CCDC146: variants seen among roughly 807,000 people sequenced by gnomAD.
CCDC146 encodes the protein coiled-coil domain containing 146.
Under a neutral mutation model 119.3 loss-of-function variants are expected in CCDC146, and 92 were observed. The ratio of observed to expected loss-of-function variants is 0.77; its 90% CI spans 0.65 to 0.92. The LOEUF is 0.92. Ranked by LOEUF, CCDC146 falls within the 40% of genes least tolerant of loss-of-function variation. The pLI, the probability that CCDC146 is intolerant of heterozygous loss-of-function variation, is 0.00. For missense variants in CCDC146, 1,000 were observed against 1,103.0 expected (o/e 0.91, Z 1.32); for synonymous variants, 372 against 371.8 (o/e 1.00, Z -0.01).
At chr7:77,198,775 A>G (rs1242325213) in intron 2 of CCDC146, 3 of 209,266 alleles carry the variant, frequency 1.4e-5, no homozygotes, top group Non-Finnish European at 2.8e-5. Flanking sequence ...GAGAAGCGGC[A>G]GTCAGTCAAT....
intron 2 of CCDC146, among the ~76,000 whole-genome samples, chr7:77,217,824 G>A (rs1792328984): frequency 6.6e-6 from 1 of 152,090 alleles, no homozygotes; most frequent in African/African-American, 2.4e-5. Flanking sequence ...ACAATGGCAA[G>A]TATTTAAGTA....
chr7:77,238,071 A>G (rs1171639670), intron 3 of CCDC146, among the ~76,000 whole-genome samples: 1 of 152,172 alleles, frequency 6.6e-6, no homozygotes, highest in Non-Finnish European at 1.5e-5. Flanking sequence ...AGAGTGAACA[A>G]CTTGGAAAAG....
At chr7:77,174,388 G>T (rs1791471669) in intron 2 of CCDC146, among the ~76,000 whole-genome samples, 1 of 152,224 alleles carries the variant, frequency 6.6e-6, no homozygotes, top group African/African-American at 2.4e-5. Flanking sequence ...AGCAGCAGAG[G>T]TTCTGATCCT....
chr7:77,162,968 G>T (rs1278931911), intron 1 of CCDC146, among the ~76,000 whole-genome samples: 3 of 152,096 alleles, frequency 2.0e-5, no homozygotes, highest in African/African-American at 7.2e-5. Context: ...TACTTTACTT[G>T]CTCTAAAATA....
chr7:77,254,494 T>C lies in CCDC146; in HGVS notation c.450-12T>C. On this transcript the variant is annotated splice_polypyrimidine_tract_variant and intron_variant, in intron 4 of 18. Transcript: ENST00000285871. ...TTTGTACTTTTTCAAACTTGATTTT[T>C]TTTTTTTGCAGCTTAAAGGAAGAAA... is the stretch of plus-strand genomic sequence containing the variant. 6.9e-7 allele frequency: 1 copy of C among 1,445,628 alleles called. No individual in the cohort carries two copies. Among genetic ancestry groups the C allele is most frequent in the Non-Finnish European group, 9.5e-7 (1 of 1,047,744 alleles). 89.6% of individuals were successfully genotyped at this position (1,445,628 alleles called of 1,614,324 possible).
chr7:77,136,782 T>C (rs1253033792), intron 1 of CCDC146, among the ~76,000 whole-genome samples: 2 of 152,180 alleles, frequency 1.3e-5, no homozygotes, highest in Non-Finnish European at 2.9e-5. Context: ...ATTATTCTAA[T>C]GCCAAATCTA....
At chr7:77,291,773 C>T (rs1371097387) in intron 17 of CCDC146, among the ~76,000 whole-genome samples, 1 of 152,168 alleles carries the variant, frequency 6.6e-6, no homozygotes, top group Non-Finnish European at 1.5e-5. Context: ...ACTAAATATT[C>T]CCCAGCTCAG....
intron 17 of CCDC146, among the ~76,000 whole-genome samples, chr7:77,289,637 G>C (rs985025686): frequency 2.6e-5 from 4 of 152,166 alleles, no homozygotes; most frequent in African/African-American, 9.7e-5. Context: ...AGTCGAACAC[G>C]TAAGTGACCT....
intron 2 of CCDC146, among the ~76,000 whole-genome samples, chr7:77,210,450 C>G (rs111564092): frequency 3.3e-4 from 51 of 152,296 alleles, no homozygotes; most frequent in African/African-American, 1.2e-3. Flanking sequence ...ATTTCACTGT[C>G]CATATCACTA....
chr7:77,281,907 G>A (rs1241854028), intron 14 of CCDC146, among the ~76,000 whole-genome samples: 1 of 152,168 alleles, frequency 6.6e-6, no homozygotes, highest in African/African-American at 2.4e-5. Context: ...GACAAACAGT[G>A]TGCACCCAGG....
At chr7:77,204,329 TA>T (rs905067985) in intron 2 of CCDC146, among the ~76,000 whole-genome samples, 101 of 152,048 alleles carry the variant, frequency 6.6e-4, no homozygotes, top group Non-Finnish European at 1.1e-3. Flanking sequence ...GAAAAGAACT[TA>T]AAAAAAATGA....
intron 2 of CCDC146, among the ~76,000 whole-genome samples, chr7:77,180,559 G>T (rs115825236): frequency 0.01 from 1,593 of 152,196 alleles, 28 homozygotes; most frequent in African/African-American, 0.036. Flanking sequence ...TTAGCTGGAT[G>T]TAGTGGCGTG....
intron 7 of CCDC146, chr7:77,259,280 G>T: frequency 6.8e-6 from 3 of 440,486 alleles, no homozygotes; most frequent in South Asian, 4.1e-5. Context: ...CTTAATTATG[G>T]GTCAAGATTC....
At chr7:77,186,330 C>T (rs1791666344) in intron 2 of CCDC146, among the ~76,000 whole-genome samples, 1 of 152,080 alleles carries the variant, frequency 6.6e-6, no homozygotes, top group South Asian at 2.1e-4. Context: ...GAGATCCCAT[C>T]ATTTGCAACA....
At chr7:77,230,942 A>C (rs1263869887) in intron 2 of CCDC146, among the ~76,000 whole-genome samples, 1 of 152,160 alleles carries the variant, frequency 6.6e-6, no homozygotes. Flanking sequence ...CACCATCTGC[A>C]ATTTTATGTT....
chr7:77,233,839 A>G (rs1448123952), intron 2 of CCDC146, among the ~76,000 whole-genome samples: 1 of 152,174 alleles, frequency 6.6e-6, no homozygotes, highest in African/African-American at 2.4e-5. Context: ...ATATTAAAAC[A>G]TTGCAAAATG....
At chr7:77,225,354 G>A (rs1184110806) in intron 2 of CCDC146, among the ~76,000 whole-genome samples, 1 of 151,850 alleles carries the variant, frequency 6.6e-6, no homozygotes. Context: ...TTCGAGACCA[G>A]CCTGGGCAAC....
intron 2 of CCDC146, among the ~76,000 whole-genome samples, chr7:77,191,107 C>A (rs956419573): frequency 1.3e-5 from 2 of 152,106 alleles, no homozygotes; most frequent in African/African-American, 4.8e-5. Context: ...TGGATAGGTT[C>A]TTGGAAACAG....
intron 2 of CCDC146, among the ~76,000 whole-genome samples, chr7:77,189,713 C>T (rs1200854115): frequency 6.6e-6 from 1 of 152,196 alleles, no homozygotes; most frequent in Non-Finnish European, 1.5e-5. Flanking sequence ...TTCACACAGA[C>T]ATCTTTGCTG....
Sources: allele counts gnomAD v4.1 joint callset (sites outside exome capture counted in the v4.1 genomes callset), GRCh38; gene constraint gnomAD v4.1.1; transcripts MANE v1.5; gene names NCBI Gene and HGNC (gene_info 2026-07-23, HGNC 2026-07-21).